The following NUMA1 variants were observed in gnomAD, a reference collection of about 807,000 sequenced individuals.
NUMA1 encodes the protein SP-H antigen.
Under a neutral mutation model 237.1 loss-of-function variants are expected in NUMA1, and 62 were observed. That is an observed-to-expected ratio of 0.26 (90% CI 0.21 to 0.32). NUMA1 has a LOEUF of 0.32. NUMA1 is among the 10% of genes least tolerant of loss of function. NUMA1 has a pLI of 1.00. For synonymous variants in NUMA1, 1,028 were observed against 1,066.1 expected (o/e 0.96, Z 0.70); for missense variants, 2,533 against 2,666.5 (o/e 0.95, Z 1.10).
At chr11:72,021,643 T>C (rs1938842924) in intron 7 of NUMA1, among the ~76,000 whole-genome samples, 1 of 152,232 alleles carries the variant, frequency 6.6e-6, no homozygotes, top group Admixed American at 6.5e-5. Flanking sequence ...GATCTTGCTC[T>C]GTCACCCAGG....
At position 72,021,584 on chromosome 11, in the gene NUMA1, G is replaced by A. The variant is rs1938836179; in HGVS notation, c.373-293C>T. On this transcript the variant is annotated intron_variant, in intron 7 of 26. Coordinates refer to ENST00000393695, the MANE Select transcript of NUMA1 (RefSeq NM_006185.4). The stretch of plus-strand genomic sequence containing the variant: ...ACAAGTGAAGTGACTGTTAAGGAAA[G>A]TAACACAATCAGAAAGTTGCTTTTA... Among the ~76,000 whole-genome samples the A allele has an allele frequency of 2.0e-5, 3 of 152,212 alleles. No individual in the cohort carries two copies. In the South Asian group the frequency reaches 6.2e-4, roughly 32 times the overall value.
At chr11:72,045,561 C>T (rs1435096672) in intron 2 of NUMA1, among the ~76,000 whole-genome samples, 1 of 152,218 alleles carries the variant, frequency 6.6e-6, no homozygotes, top group African/African-American at 2.4e-5. Flanking sequence ...TCACTGCAGC[C>T]TCAGCCTCCT....
intron 2 of NUMA1, among the ~76,000 whole-genome samples, chr11:72,056,280 T>C (rs541712440): frequency 1.3e-4 from 20 of 151,196 alleles, no homozygotes; most frequent in African/African-American, 3.9e-4. Context: ...GCTACGATTG[T>C]GCCACTGTAC....
Position 72,007,353 on chromosome 11 carries a change from C to T in NUMA1, c.5299G>A (p.Val1767Ile). The change falls in exon 21 of 27, where the codon GTA becomes ATA. Residue 1767 changes from valine (V) to isoleucine (I), a missense_variant. Coordinates refer to ENST00000393695, the MANE Select transcript of NUMA1 (RefSeq NM_006185.4). The stretch of plus-strand genomic sequence containing the variant: ...AAGTAGAGACTCTCCAGGGATTCTA[C>T]CTTGGGGGGCAGGCGCTGGGAGATA... ...SPISQRLPPK[V>I]ESLESLYFTP... 1.2e-6 allele frequency: 2 copies of T among 1,613,668 alleles called. No homozygotes were observed. The highest frequency in any genetic ancestry group is 1.1e-5 in the South Asian group (1 of 91,062).
chr11:72,049,389 C>G (rs1942179647), intron 2 of NUMA1: 1 of 150,862 alleles, frequency 6.6e-6, no homozygotes, highest in South Asian at 2.1e-4. Context: ...TACTGAGAAC[C>G]AAGCTAGGGT....
At chr11:72,005,826 A>C (rs1955647135) in intron 22 of NUMA1, 1 of 579,038 alleles carries the variant, frequency 1.7e-6, no homozygotes, top group East Asian at 2.9e-5. Flanking sequence ...CCGGGCCCTT[A>C]ACTCTGGCTA....
In NUMA1 at chr11:72,014,616, T is replaced by C. The variant is rs781112790; in HGVS notation, c.2887A>G (p.Thr963Ala). 1.2e-5 allele frequency: 20 copies of C among 1,608,686 alleles called. No individual in the cohort carries two copies. Among genetic ancestry groups the C allele is most frequent in the Non-Finnish European group, 1.6e-5 (19 of 1,180,024 alleles). Residue 963 changes from threonine (T) to alanine (A), a missense_variant, in exon 15 of 27, where the codon ACA becomes GCA. By Grantham distance (58) the Thr-to-Ala change is moderately conservative. Coordinates refer to ENST00000393695, the MANE Select transcript of NUMA1 (RefSeq NM_006185.4). This position sits in a 1 kb window ranked among gnomAD's most constrained non-coding sequence, Gnocchi z 4.6. ...TCCATAGCCTGCAGCGCTGCCTGTG[T>C]GCTGCAGAACTGGCGTCCCTGTTGC... ...EEQQGRQFCSTQAALQAMERE... is the reference protein window; with the variant it reads ...EEQQGRQFCSAQAALQAMERE...
Position 72,038,686 on chromosome 11 carries a change from G to T in NUMA1, c.-32-2711C>A, listed in dbSNP as rs916927682. Among the ~76,000 whole-genome samples the T allele has an allele frequency of 5.1e-4, 78 of 152,164 alleles. 2 individuals carry two copies. Among genetic ancestry groups the T allele is most frequent in the Admixed American group, 2.7e-3 (42 of 15,292 alleles). ...AGGCAGGCCCCACCCAGTACACTGG[G>T]TGATGCTGATGGAAAAACAGATCCT... On this transcript the variant is annotated intron_variant, in intron 2 of 26. Transcript: ENST00000393695.
At position 72,013,226 on chromosome 11, in the gene NUMA1, A is replaced by G; in HGVS notation, c.4277T>C (p.Leu1426Pro). ...VAEQERTAQQ[L>P]RAEKASYAEQ... ...TGCATAGCTGGCCTTCTCTGCCCGCAGCTGCTGAGCTGTTCGCTCCTGCTC... is the reference window on the plus strand; with the variant it reads ...TGCATAGCTGGCCTTCTCTGCCCGCGGCTGCTGAGCTGTTCGCTCCTGCTC... The change falls in exon 15 of 27, where the codon CTG (leucine) becomes CCG (proline). Residue 1426 changes from leucine (L) to proline (P), a missense_variant. Transcript: ENST00000393695. This position sits in a 1 kb window ranked among gnomAD's most constrained non-coding sequence, Gnocchi z 6.8. The G allele has an allele frequency of 6.2e-7, 1 of 1,608,294 alleles. No individual in the cohort carries two copies. The highest frequency in any genetic ancestry group is 8.5e-7 in the Non-Finnish European group (1 of 1,179,970).
chr11:72,005,803 T>C, intron 22 of NUMA1: 1 of 560,988 alleles, frequency 1.8e-6, no homozygotes, highest in Non-Finnish European at 3.1e-6. Context: ...GTGTCACAAT[T>C]GTGCTGGGAA....
At chr11:72,004,901 G>C (rs924845184) in intron 23 of NUMA1, 85 bp from the exon 24 acceptor site, 2 of 1,311,698 alleles carry the variant, frequency 1.5e-6, no homozygotes, top group Admixed American at 5.4e-5. Flanking sequence ...CTCTACACTC[G>C]CCCGACACTT....
chr11:72,035,931 C>A lies in NUMA1; in HGVS notation c.13G>T (p.Ala5Ser). Residue 5 changes from alanine to serine, a missense_variant, in exon 3 of 27, where the codon GCC becomes TCC. Ala to Ser is a moderately conservative substitution (Grantham distance 99). This residue lies in a region of NUMA1 where 1,414 missense variants were observed against 1,508.1 expected (regional missense o/e 0.94). Coordinates refer to ENST00000393695, the MANE Select transcript of NUMA1 (RefSeq NM_006185.4). ...GAGAGGAGTGCAGCCCCCCGGGTGG[C>A]GTGGAGTGTCATCTTGGTGATGCCA... MTLH[A>S]TRGAALLSWV... 3 of 1,614,052 alleles carry A rather than the reference C, an allele frequency of 1.9e-6. No individual in the cohort carries two copies. Among genetic ancestry groups the A allele is most frequent in the Middle Eastern group, 1.7e-4 (1 of 6,046 alleles).
intron 1 of NUMA1, among the ~76,000 whole-genome samples, chr11:72,072,918 T>C (rs991946363): frequency 2.0e-5 from 3 of 151,846 alleles, no homozygotes; most frequent in Admixed American, 6.6e-5. Context: ...GGCGGGTGCC[T>C]GTAGTCCCAG....
At position 72,033,364 on chromosome 11, in the gene NUMA1, GTT is replaced by G. The variant is rs58353057; in HGVS notation, c.42+2536_42+2537del. Among the ~76,000 whole-genome samples the G allele has an allele frequency of 5.7e-3, 816 of 144,126 alleles. 1 individual carries two copies. The highest frequency in any genetic ancestry group is 0.019 in the African/African-American group (728 of 37,600). The allele number at this position is 144,126 out of a possible 152,430, so 94.6% of individuals were successfully genotyped here. The stretch of plus-strand genomic sequence containing the variant: ...TTTAACATTTTCATGCATGTTCTTT[GTT>G]TTTTTTTTTTTTTTTTTTTTTTTGA... On this transcript the variant is annotated intron_variant, in intron 3 of 26. Coordinates refer to ENST00000393695, the MANE Select transcript of NUMA1 (RefSeq NM_006185.4).
chr11:72,015,202 C>CA lies in NUMA1; in HGVS notation c.2300dup (p.Glu768GlyfsTer14). 6.2e-7 allele frequency: 1 copy of CA among 1,613,520 alleles called. No homozygotes were observed. The highest frequency in any genetic ancestry group is 2.2e-5 in the East Asian group (1 of 44,882). On this transcript the variant is annotated frameshift_variant, in exon 15 of 27. Coordinates refer to ENST00000393695, the MANE Select transcript of NUMA1 (RefSeq NM_006185.4). LOFTEE classifies it high-confidence loss of function. This position sits in a 1 kb window ranked among gnomAD's most constrained non-coding sequence, Gnocchi z 4.0. ...CCCCAAGCTGCTGTAATCGAGCCTC[C>CA]AGCCCCTTGCGCCCAGCCCTCTCTT...
At chr11:72,064,130 T>C (rs913525838) in intron 2 of NUMA1, among the ~76,000 whole-genome samples, 3 of 152,090 alleles carry the variant, frequency 2.0e-5, no homozygotes, top group South Asian at 2.1e-4. Flanking sequence ...AGAATATACA[T>C]ATGATGAAAT....
chr11:72,022,314 G>T (rs766882934), intron 7 of NUMA1, 25 bp downstream of exon 7: 12 of 1,536,836 alleles, frequency 7.8e-6, no homozygotes, highest in African/African-American at 1.4e-5. Context: ...GGCCTGCTAG[G>T]TGGCATGGAG....
At chr11:72,037,882 T>C (rs1177452740) in intron 2 of NUMA1, among the ~76,000 whole-genome samples, 1 of 152,166 alleles carries the variant, frequency 6.6e-6, no homozygotes, top group Non-Finnish European at 1.5e-5. Context: ...ACCCTATCCA[T>C]GGGCAAGATT....
chr11:72,023,371 C>T (rs1402514653), intron 5 of NUMA1, among the ~76,000 whole-genome samples: 1 of 152,152 alleles, frequency 6.6e-6, no homozygotes, highest in Non-Finnish European at 1.5e-5. Flanking sequence ...AAGAAGAAAG[C>T]AGCCTCGGAA....
Sources: allele counts gnomAD v4.1 joint callset (sites outside exome capture counted in the v4.1 genomes callset), GRCh38; gene constraint gnomAD v4.1.1; regional missense constraint gnomAD v4.1.1; non-coding constraint Gnocchi (gnomAD v3.1); transcripts MANE v1.5; gene names NCBI Gene and HGNC (gene_info 2026-07-23, HGNC 2026-07-21).